The following MYO16 variants were observed in gnomAD, a reference collection of about 807,000 sequenced individuals.
MYO16 encodes myosin XVI.
Under a neutral mutation model 205.3 loss-of-function variants are expected in MYO16, and 94 were observed. The ratio of observed to expected loss-of-function variants is 0.46; its 90% CI spans 0.39 to 0.54. The LOEUF (loss-of-function observed/expected upper bound fraction) is 0.54. Among genes scored for constraint, MYO16 ranks in the 20% least tolerant of loss-of-function variants. MYO16 has a pLI of 0.00. For synonymous variants in MYO16, 988 were observed against 954.0 expected, an observed-to-expected ratio of 1.04 and a Z score of -0.66; for missense variants, 2,315 against 2,387.5, an observed-to-expected ratio of 0.97 and a Z score of 0.63.
chr13:108,844,745 G>A (rs576091049), intron 10 of MYO16, among the ~76,000 whole-genome samples: 3 of 152,220 alleles, frequency 2.0e-5, no homozygotes, highest in Admixed American at 6.5e-5. Context: ...CTCAGCCAGC[G>A]CATTAGTTCT....
At chr13:108,838,435 A>C (rs1877045908) in intron 9 of MYO16, among the ~76,000 whole-genome samples, 1 of 151,724 alleles carries the variant, frequency 6.6e-6, no homozygotes, top group African/African-American at 2.4e-5. Context: ...CAGGTGGATC[A>C]CTTGAGGACA....
intron 31 of MYO16, among the ~76,000 whole-genome samples, chr13:109,130,027 G>A (rs1166930851): frequency 1.3e-5 from 2 of 149,194 alleles, no homozygotes; most frequent in Non-Finnish European, 3.0e-5. Flanking sequence ...GGAACCATAG[G>A]AGATATATAT....
chr13:108,629,921 T>G, intron 1 of MYO16, 49 bp downstream of exon 1: 1 of 1,492,566 alleles, frequency 6.7e-7, no homozygotes, highest in Admixed American at 2.0e-5. Flanking sequence ...CTTGTTGAAG[T>G]ATTATTTTGT....
intron 16 of MYO16, among the ~76,000 whole-genome samples, chr13:108,934,598 A>T (rs1882399746): frequency 6.6e-6 from 1 of 152,088 alleles, no homozygotes; most frequent in Non-Finnish European, 1.5e-5. Flanking sequence ...TCTTTAGTTT[A>T]ATAGGTCTCT....
At chr13:108,827,255 T>C (rs935675532) in intron 9 of MYO16, among the ~76,000 whole-genome samples, 71 of 152,096 alleles carry the variant, frequency 4.7e-4, no homozygotes, top group Admixed American at 1.7e-3. Context: ...TGTTTTTTTT[T>C]CCCCCAGAAT....
At chr13:109,007,580 G>C (rs1035594702) in intron 21 of MYO16, among the ~76,000 whole-genome samples, 25 of 115,146 alleles carry the variant, frequency 2.2e-4, no homozygotes, top group Middle Eastern at 5.4e-3. Context: ...GTGTGTGTGT[G>C]TGTGTGTTGA....
chr13:108,927,436 C>A (rs992104776), intron 16 of MYO16, among the ~76,000 whole-genome samples: 1 of 152,104 alleles, frequency 6.6e-6, no homozygotes, highest in African/African-American at 2.4e-5. Flanking sequence ...CTGGGACTTG[C>A]CATCCTTGAT....
chr13:108,567,518 T>C, the MYO16 span, among the ~76,000 whole-genome samples: 2 of 152,114 alleles, frequency 1.3e-5, no homozygotes, highest in Non-Finnish European at 2.9e-5. Context: ...CAAAGATACA[T>C]TGCGATTACC....
chr13:108,630,491 C>A (rs970573162), intron 1 of MYO16, among the ~76,000 whole-genome samples: 4 of 152,096 alleles, frequency 2.6e-5, no homozygotes, highest in Non-Finnish European at 5.9e-5. Context: ...GTTTCTTTAG[C>A]GTCTGAAATT....
chr13:109,048,153 ATG>A (rs34750704), intron 24 of MYO16, among the ~76,000 whole-genome samples: 3,551 of 141,028 alleles, frequency 0.025, 53 homozygotes, highest in Middle Eastern at 0.058. Flanking sequence ...TTAATAGGAT[ATG>A]TGTGTGTGTG....
rs1877082722 is a variant in MYO16, at chr13:109,141,296, A to G, written c.5084A>G (p.Asp1695Gly). The G allele has an allele frequency of 6.3e-7, 1 of 1,597,200 alleles. No individual in the cohort carries two copies. Among genetic ancestry groups the G allele is most frequent in the Non-Finnish European group, 8.5e-7 (1 of 1,172,538 alleles). ...TCCAGGCCTCTCAGCAGCCCCCTGG[A>G]CGAGCTCGCCAGCCTCTTCAACTCG... ...PSSRPLSSPL[D>G]ELASLFNSGR... is the part of the protein sequence containing the mutation. Residue 1695 changes from aspartate (D) to glycine (G), a missense_variant, in exon 32 of 35, where the codon GAC (aspartate) becomes GGC (glycine). Physicochemically the swap from Asp to Gly is moderately conservative, Grantham distance 94. Around this residue, in one of 3 missense-constraint regions of MYO16, gnomAD observed 1,097 missense variants for 1,092.0 expected, o/e 1.00. Transcript: ENST00000457511. This position sits in a 1 kb window ranked among gnomAD's most constrained non-coding sequence, Gnocchi z 4.1.
intron 10 of MYO16, among the ~76,000 whole-genome samples, chr13:108,849,791 T>C (rs1440556370): frequency 1.3e-5 from 2 of 150,236 alleles, no homozygotes; most frequent in African/African-American, 4.9e-5. Context: ...TTCCTCCAAA[T>C]CCTGTTGAAT....
At chr13:108,578,152 A>G in the MYO16 span, among the ~76,000 whole-genome samples, 1 of 152,176 alleles carries the variant, frequency 6.6e-6, no homozygotes, top group South Asian at 2.1e-4. Flanking sequence ...TAAGTATTTG[A>G]CTTCATATTT....
chr13:108,544,688 T>A, the MYO16 span, among the ~76,000 whole-genome samples: 4 of 152,188 alleles, frequency 2.6e-5, no homozygotes, highest in African/African-American at 9.7e-5. Context: ...TACTAGGACT[T>A]ATTTATTCTT....
At chr13:109,046,014 C>G (rs1042817071) in intron 23 of MYO16, among the ~76,000 whole-genome samples, 1 of 151,404 alleles carries the variant, frequency 6.6e-6, no homozygotes, top group African/African-American at 2.4e-5. Context: ...GATGCTCGCC[C>G]TCCCTCATGG....
At chr13:108,703,062 G>A (rs1004235268) in intron 2 of MYO16, among the ~76,000 whole-genome samples, 9 of 151,980 alleles carry the variant, frequency 5.9e-5, no homozygotes, top group African/African-American at 1.7e-4. Context: ...AAGCAAAATG[G>A]TAGGCATAAA....
intron 14 of MYO16, among the ~76,000 whole-genome samples, chr13:108,896,000 T>C (rs957602138): frequency 9.9e-5 from 15 of 152,146 alleles, no homozygotes; most frequent in Non-Finnish European, 2.9e-5. Flanking sequence ...TCAGAGGACC[T>C]CCTCAGCGTT....
At chr13:108,874,472 T>C (rs918293811) in intron 12 of MYO16, among the ~76,000 whole-genome samples, 1 of 152,104 alleles carries the variant, frequency 6.6e-6, no homozygotes, top group African/African-American at 2.4e-5. Context: ...GGCTTTACAT[T>C]TATTGTCACA....
rs1418252043 is a variant in MYO16 at position 108,727,538 on chromosome 13, T to C, written c.462T>C (p.Ile154=). The C allele has an allele frequency of 6.2e-7, 1 of 1,613,948 alleles. No homozygotes were observed. Among genetic ancestry groups the C allele is most frequent in the Non-Finnish European group, 8.5e-7 (1 of 1,179,924 alleles). ...QDEDFWTPMH[I]ACACDNPDIV... Reference sequence around the variant, plus strand: ...AAGACTTCTGGACGCCCATGCACATTGCCTGTGCCTGCGATAACCCTGATA... The same window carrying C: ...AAGACTTCTGGACGCCCATGCACATCGCCTGTGCCTGCGATAACCCTGATA... The change falls in exon 4 of 35, where the codon ATT becomes ATC. Residue 154 remains isoleucine (I), a synonymous_variant. Coordinates refer to ENST00000457511, the MANE Select transcript of MYO16 (RefSeq NM_001198950.3).
Sources: gnomAD v4.1 joint callset for allele counts (sites outside exome capture counted in the v4.1 genomes callset) on GRCh38, gnomAD v4.1.1 for gene constraint, gnomAD v4.1.1 regional missense constraint, Gnocchi (gnomAD v3.1) non-coding constraint, MANE v1.5 for transcripts, NCBI Gene and HGNC (gene_info 2026-07-23, HGNC 2026-07-21) for gene names.